Variants in ATP8B4 observed in about 807,000 individuals in gnomAD.
The protein encoded by ATP8B4 is ATPase phospholipid transporting 8B4 (putative).
Under a neutral mutation model 145.6 loss-of-function variants are expected in ATP8B4, and 133 were observed. The observed-to-expected ratio is 0.91, with a 90% CI of 0.79 to 1.05. The LOEUF (loss-of-function observed/expected upper bound fraction) is 1.05. Ranked by LOEUF, ATP8B4 falls within the 50% of genes least tolerant of loss-of-function variation. ATP8B4 has a pLI of 0.00. For synonymous variants in ATP8B4, 507 were observed against 492.9 expected (o/e 1.03, Z -0.38); for missense variants, 1,458 against 1,425.2 (o/e 1.02, Z -0.37).
chr15:49,979,911 T>A, intron 11 of ATP8B4, 98 bp from the exon 12 acceptor site: 1 of 850,442 alleles, frequency 1.2e-6, no homozygotes, highest in Non-Finnish European at 1.7e-6. Flanking sequence ...AAATAGTCAT[T>A]TGAAAAGCAA....
At chr15:50,119,572 G>C (rs2057241819), upstream of ATP8B4, 2 of 152,126 alleles carry the variant, frequency 1.3e-5, no homozygotes, top group South Asian at 4.1e-4. Flanking sequence ...TTCTGAGGAT[G>C]GCTTCCTCTG....
chr15:50,096,102 T>C lies in ATP8B4; in HGVS notation c.28+10837A>G, dbSNP rs1277774870. On this transcript the variant is annotated intron_variant, in intron 2 of 27. Coordinates refer to ENST00000284509, the MANE Select transcript of ATP8B4 (RefSeq NM_024837.4). Reference sequence around the variant, plus strand: ...AGGAGGAGTTCTCTGAGGAACAAAGTGAACAGACAGAAAAGTGCAGAAGAC... The same window carrying C: ...AGGAGGAGTTCTCTGAGGAACAAAGCGAACAGACAGAAAAGTGCAGAAGAC... Among the ~76,000 whole-genome samples the C allele has an allele frequency of 3.9e-5, 6 of 151,920 alleles. No homozygotes were observed. The South Asian group carries it at 1.2e-3, about 32-fold the overall frequency.
intron 6 of ATP8B4, among the ~76,000 whole-genome samples, chr15:50,015,707 C>T (rs748923736): frequency 6.6e-6 from 1 of 152,190 alleles, no homozygotes; most frequent in Non-Finnish European, 1.5e-5. Flanking sequence ...ATCAGAGCTG[C>T]GCTAGAGGAA....
intron 3 of ATP8B4, among the ~76,000 whole-genome samples, chr15:50,070,976 C>T (rs1233445344): frequency 1.3e-5 from 2 of 152,070 alleles, no homozygotes; most frequent in Non-Finnish European, 2.9e-5. Context: ...CTCCTGACCT[C>T]GTGATCCACC....
intron 14 of ATP8B4, among the ~76,000 whole-genome samples, chr15:49,950,616 A>AAC (rs780871564): frequency 0.25 from 25,112 of 98,710 alleles, 3,483 homozygotes; most frequent in Non-Finnish European, 0.32. Flanking sequence ...ACAAACAAAC[A>AAC]AACAAAAAAA....
chr15:50,165,388 G>A (rs1415144340), intron 1 of ATP8B4, among the ~76,000 whole-genome samples: 2 of 152,110 alleles, frequency 1.3e-5, no homozygotes, highest in Non-Finnish European at 2.9e-5. Context: ...ACACAGTGAG[G>A]TACTGTGTTC....
In ATP8B4 at chr15:49,942,494, A is replaced by C. The variant is rs116319232; in HGVS notation, c.1288-8312T>G. 5.7e-3 allele frequency among the ~76,000 whole-genome samples: 867 copies of C among 152,252 alleles called. 11 individuals carry two copies. The highest frequency in any genetic ancestry group is 0.02 in the African/African-American group (827 of 41,560). ...AAGAAGAAAAAAATAGGGCTACTGC[A>C]GAAACTAAAGTGAAATTGGAGAGAG... On this transcript the variant is annotated intron_variant, in intron 14 of 27. Transcript: ENST00000284509.
intron 1 of ATP8B4, among the ~76,000 whole-genome samples, chr15:50,130,442 A>T (rs907236049): frequency 1.2e-4 from 19 of 152,080 alleles, no homozygotes; most frequent in African/African-American, 4.1e-4. Context: ...TTCTTATATA[A>T]GTCACTCAAC....
intron 23 of ATP8B4, among the ~76,000 whole-genome samples, chr15:49,884,613 GAAAA>G (rs60012082): frequency 2.0e-4 from 23 of 117,670 alleles, no homozygotes; most frequent in African/African-American, 7.1e-4. Flanking sequence ...CAAAAAAAAA[GAAAA>G]AAAAAAAAAA....
chr15:50,119,795 C>T (rs1051448445), upstream of ATP8B4, among the ~76,000 whole-genome samples: 3 of 123,086 alleles, frequency 2.4e-5, no homozygotes, highest in Non-Finnish European at 4.8e-5. Flanking sequence ...GGAAGTTCAG[C>T]TCTCTTATGG....
At chr15:50,064,624 T>C (rs1161685434) in intron 3 of ATP8B4, among the ~76,000 whole-genome samples, 2 of 152,184 alleles carry the variant, frequency 1.3e-5, no homozygotes, top group African/African-American at 4.8e-5. Context: ...ACTTTTGTAA[T>C]AAACCTGCAA....
At chr15:50,170,443 A>G (rs1313535297) in intron 1 of ATP8B4, among the ~76,000 whole-genome samples, 1 of 152,096 alleles carries the variant, frequency 6.6e-6, no homozygotes, top group Non-Finnish European at 1.5e-5. Context: ...TATGAAGGAA[A>G]GATACAGTTG....
chr15:50,074,044 C>T (rs1358118666), intron 3 of ATP8B4, 83 bp downstream of exon 3: 1 of 1,255,984 alleles, frequency 8.0e-7, no homozygotes, highest in Non-Finnish European at 1.1e-6. Flanking sequence ...TTGGTGAAGT[C>T]ATAAAGTTCT....
chr15:49,896,325 A>C (rs984908958), intron 23 of ATP8B4: 1 of 152,256 alleles, frequency 6.6e-6, no homozygotes, highest in Non-Finnish European at 1.5e-5. Flanking sequence ...TCCCAGAAGA[A>C]GGAAAAAATG....
chr15:50,052,501 C>A (rs2052265861), intron 3 of ATP8B4, among the ~76,000 whole-genome samples: 1 of 152,228 alleles, frequency 6.6e-6, no homozygotes, highest in Non-Finnish European at 1.5e-5. Context: ...TGAGGAAGCA[C>A]ATGTTCCCTG....
In ATP8B4 at chr15:49,898,714, A is replaced by C. The variant is rs1004171070; in HGVS notation, c.2290-463T>G. ...TGTTTTGTATATTTAGTTTGTTGTG[A>C]TTGTTAATGTGCAGGCAAAATGAAA... On this transcript the variant is annotated intron_variant, in intron 21 of 27. Transcript: ENST00000284509. Among the ~76,000 whole-genome samples the C allele has an allele frequency of 3.3e-5, 5 of 152,184 alleles. No individual in the cohort carries two copies. In the East Asian group the frequency reaches 9.7e-4, roughly 29 times the overall value.
Position 49,858,427 on chromosome 15 carries a change from C to A in ATP8B4, c.*1767G>T, listed in dbSNP as rs1320651200. 2.0e-5 allele frequency: 3 copies of A among 152,168 alleles called. No homozygotes were observed. Among genetic ancestry groups the A allele is most frequent in the Non-Finnish European group, 4.4e-5 (3 of 68,020 alleles). The allele number at this position is 152,168 out of a possible 1,614,324, so 9.4% of individuals were successfully genotyped here. On this transcript the variant is annotated 3_prime_UTR_variant, in exon 28 of 28. Transcript: ENST00000284509. ...CTATGGTAAAGGACTGCATTTGACT[C>A]TTTTACACATATTATTTCATTTGAT...
chr15:49,944,022 C>T (rs1277403058), intron 14 of ATP8B4, among the ~76,000 whole-genome samples: 1 of 152,098 alleles, frequency 6.6e-6, no homozygotes, highest in Admixed American at 6.6e-5. Context: ...AACTATAAGA[C>T]ATCTTATGTA....
intron 20 of ATP8B4, among the ~76,000 whole-genome samples, chr15:49,905,201 T>C (rs1275028324): frequency 1.3e-5 from 2 of 152,236 alleles, no homozygotes; most frequent in Non-Finnish European, 2.9e-5. Flanking sequence ...GTATGATATG[T>C]ATAAAAATTA....
Sources: allele counts gnomAD v4.1 joint callset (sites outside exome capture counted in the v4.1 genomes callset), GRCh38; gene constraint gnomAD v4.1.1; transcripts MANE v1.5; gene names NCBI Gene and HGNC (gene_info 2026-07-23, HGNC 2026-07-21).